PSD3: variants seen among roughly 807,000 people sequenced by gnomAD.
PSD3 encodes the protein pleckstrin and Sec7 domain containing 3.
PSD3 carries 49 observed loss-of-function variants against 105.5 expected under a neutral mutation model. That is an observed-to-expected ratio of 0.46 (90% CI 0.37 to 0.59). The LOEUF is 0.59. Ranked by LOEUF, PSD3 falls within the 20% of genes least tolerant of loss-of-function variation. The pLI, the probability that PSD3 is intolerant of heterozygous loss-of-function variation, is 0.00. For synonymous variants in PSD3, 557 were observed against 457.8 expected, an observed-to-expected ratio of 1.22 and a Z score of -2.77; for missense variants, 1,561 against 1,263.8, an observed-to-expected ratio of 1.24 and a Z score of -3.57.
At chr8:18,690,784 C>T (rs192741908) in intron 9 of PSD3, among the ~76,000 whole-genome samples, 38 of 152,338 alleles carry the variant, frequency 2.5e-4, no homozygotes, top group African/African-American at 9.1e-4. Context: ...CCCTTCGACC[C>T]CAGCCTGCTG....
At chr8:18,671,325 A>AT (rs2130913012) in intron 9 of PSD3, among the ~76,000 whole-genome samples, 1 of 152,312 alleles carries the variant, frequency 6.6e-6, no homozygotes, top group Non-Finnish European at 1.5e-5. Context: ...CTTCAGATAA[A>AT]TAATAACATT....
intron 4 of PSD3, among the ~76,000 whole-genome samples, chr8:18,829,406 C>T (rs1479541085): frequency 6.6e-6 from 1 of 152,074 alleles, no homozygotes; most frequent in Non-Finnish European, 1.5e-5. Flanking sequence ...CAAATTCTTC[C>T]ATAGTTCCCC....
chr8:18,871,906 T>C lies in PSD3; in HGVS notation c.958A>G (p.Ile320Val). The C allele has an allele frequency of 3.1e-6, 5 of 1,614,214 alleles. No homozygotes were observed. Among genetic ancestry groups the C allele is most frequent in the Middle Eastern group, 1.6e-4 (1 of 6,062 alleles). Residue 320 changes from isoleucine (I) to valine (V), a missense_variant, in exon 3 of 16, where the codon ATA (isoleucine) becomes GTA (valine). Coordinates refer to ENST00000327040, the MANE Select transcript of PSD3 (RefSeq NM_015310.4). ...GGDKRETQHP[I>V]DFETSLQRTA... ...CTTTGCAGTGATGTCTCAAAATCTA[T>C]AGGATGCTGGGTCTCTCTCTTGTCT...
intron 9 of PSD3, among the ~76,000 whole-genome samples, chr8:18,752,228 C>T (rs1805550975): frequency 6.6e-6 from 1 of 151,152 alleles, no homozygotes. Flanking sequence ...ATTCTACATA[C>T]AATATCAAGT....
chr8:18,657,059 T>G (rs1373573368), intron 9 of PSD3, among the ~76,000 whole-genome samples: 1 of 152,218 alleles, frequency 6.6e-6, no homozygotes, highest in Non-Finnish European at 1.5e-5. Flanking sequence ...CTTGAAGGCT[T>G]AGCCAAGACT....
chr8:18,908,370 T>C (rs1034050049), intron 2 of PSD3, among the ~76,000 whole-genome samples: 5 of 152,218 alleles, frequency 3.3e-5, no homozygotes, highest in Non-Finnish European at 7.3e-5. Flanking sequence ...TAGTCAATAA[T>C]CTACTATCCT....
intron 1 of PSD3, among the ~76,000 whole-genome samples, chr8:18,997,408 A>T (rs1467204994): frequency 6.6e-6 from 1 of 151,850 alleles, no homozygotes; most frequent in Non-Finnish European, 1.5e-5. Flanking sequence ...AAAACATACC[A>T]TGGTGGTCCA....
At chr8:18,978,013 T>C (rs913612241) in intron 1 of PSD3, among the ~76,000 whole-genome samples, 1 of 152,316 alleles carries the variant, frequency 6.6e-6, no homozygotes, top group East Asian at 1.9e-4. Context: ...TTCGATATCA[T>C]GACGCTAGCA....
chr8:18,861,706 C>G (rs907324097), intron 4 of PSD3, among the ~76,000 whole-genome samples: 2 of 152,118 alleles, frequency 1.3e-5, no homozygotes, highest in African/African-American at 4.8e-5. Flanking sequence ...TATTTCTTAT[C>G]TATTTTCTTA....
intron 12 of PSD3, among the ~76,000 whole-genome samples, chr8:18,584,303 G>A (rs1231463285): frequency 1.3e-5 from 2 of 152,180 alleles, no homozygotes; most frequent in Non-Finnish European, 2.9e-5. Flanking sequence ...CTGTGCAGTG[G>A]CCAAGTTAGT....
At chr8:18,667,421 T>C (rs148471649) in intron 9 of PSD3, among the ~76,000 whole-genome samples, 331 of 152,144 alleles carry the variant, frequency 2.2e-3, no homozygotes, top group Non-Finnish European at 4.1e-3. Context: ...AGAGTGCCGA[T>C]TGGTGTATTC....
chr8:18,914,358 T>C (rs1563414517), intron 2 of PSD3, among the ~76,000 whole-genome samples: 1 of 151,936 alleles, frequency 6.6e-6, no homozygotes, highest in Non-Finnish European at 1.5e-5. Flanking sequence ...GTACTAGAAC[T>C]CCTAGCCACA....
chr8:18,854,632 A>G (rs1415450227), intron 4 of PSD3, among the ~76,000 whole-genome samples: 1 of 152,252 alleles, frequency 6.6e-6, no homozygotes, highest in Non-Finnish European at 1.5e-5. Flanking sequence ...GCAATTTCCT[A>G]CAGCACACAC....
rs200999590 is a variant in PSD3, at chr8:18,871,737, G to A, written c.1127C>T (p.Ser376Leu). ...KAPSERPGTS[S>L]GTFSPVRLDE... is the part of the protein sequence containing the mutation. ...AAGACGCACAGGGGAAAATGTCCCC[G>A]AGCTAGTGCCAGGCCTCTCTGAAGG... Residue 376 changes from serine to leucine, a missense_variant, in exon 3 of 16, where the codon TCG becomes TTG. Transcript: ENST00000327040. The A allele has an allele frequency of 2.4e-5, 39 of 1,614,096 alleles. No individual in the cohort carries two copies. The East Asian group carries it at 6.9e-4, about 29-fold the overall frequency.
intron 8 of PSD3, among the ~76,000 whole-genome samples, chr8:18,777,127 C>G (rs1286342713): frequency 6.6e-6 from 1 of 152,140 alleles, no homozygotes; most frequent in Non-Finnish European, 1.5e-5. Flanking sequence ...ACTGAAACCT[C>G]TGCCTCCTGG....
chr8:18,834,367 G>T (rs1336558741), intron 4 of PSD3, among the ~76,000 whole-genome samples: 1 of 152,148 alleles, frequency 6.6e-6, no homozygotes, highest in Admixed American at 6.6e-5. Flanking sequence ...AAGGGCTTTT[G>T]GGTACCCATA....
intron 1 of PSD3, among the ~76,000 whole-genome samples, chr8:18,961,295 A>T (rs1263532522): frequency 6.6e-6 from 1 of 152,242 alleles, no homozygotes; most frequent in Non-Finnish European, 1.5e-5. Flanking sequence ...ACGAGTCCAC[A>T]GTTACTAACA....
chr8:18,730,597 A>T (rs1375789035), intron 9 of PSD3, among the ~76,000 whole-genome samples: 2 of 152,204 alleles, frequency 1.3e-5, no homozygotes, highest in Non-Finnish European at 2.9e-5. Flanking sequence ...CCACTCAAAA[A>T]GTATTTATTG....
At chr8:18,618,745 A>C (rs1484825366) in intron 11 of PSD3, among the ~76,000 whole-genome samples, 8 of 152,030 alleles carry the variant, frequency 5.3e-5, no homozygotes, top group South Asian at 4.2e-4. Flanking sequence ...CAGTGGTGTA[A>C]TCATGGCTCA....
Sources: gnomAD v4.1 joint callset for allele counts (sites outside exome capture counted in the v4.1 genomes callset) on GRCh38, gnomAD v4.1.1 for gene constraint, MANE v1.5 for transcripts, NCBI Gene and HGNC (gene_info 2026-07-23, HGNC 2026-07-21) for gene names.